Variants in GALNTL6 observed in about 807,000 individuals in gnomAD.
GALNTL6 encodes polypeptide N-acetylgalactosaminyltransferase-like 6.
Under a neutral mutation model 73.7 loss-of-function variants are expected in GALNTL6, and 46 were observed. The ratio of observed to expected loss-of-function variants is 0.62; its 90% CI spans 0.49 to 0.80. GALNTL6 has a LOEUF of 0.80. Among genes scored for constraint, GALNTL6 ranks in the 30% least tolerant of loss-of-function variants. GALNTL6 has a pLI of 0.00. For synonymous variants in GALNTL6, 259 were observed against 263.7 expected (o/e 0.98, Z 0.17); for missense variants, 604 against 755.0 (o/e 0.80, Z 2.34).
chr4:172,664,790 A>G (rs1731572572), intron 5 of GALNTL6, among the ~76,000 whole-genome samples: 1 of 152,202 alleles, frequency 6.6e-6, no homozygotes, highest in Non-Finnish European at 1.5e-5. Flanking sequence ...TTGTCTTATT[A>G]GCACCCTGAC....
Position 171,937,891 on chromosome 4 carries a change from A to T in GALNTL6, c.138+123173A>T, listed in dbSNP as rs535628343. 2.4e-3 allele frequency among the ~76,000 whole-genome samples: 366 copies of T among 152,286 alleles called. 5 individuals are homozygous for T. Among genetic ancestry groups the T allele is most frequent in the Non-Finnish European group, 3.7e-3 (255 of 68,002 alleles). On this transcript the variant is annotated intron_variant, in intron 2 of 12. Coordinates refer to ENST00000506823, the MANE Select transcript of GALNTL6 (RefSeq NM_001034845.3). ...TTTTTTAATGATAAAAAGGCTCAGT[A>T]ATTATTAAACAACAATCTGTCCGTG...
chr4:172,990,028 C>A (rs999855747), intron 10 of GALNTL6, among the ~76,000 whole-genome samples: 3 of 152,162 alleles, frequency 2.0e-5, no homozygotes, highest in Non-Finnish European at 4.4e-5. Flanking sequence ...TTATTTACCA[C>A]AGGTCAGGAA....
chr4:172,023,918 A>G (rs1472724176), intron 2 of GALNTL6, among the ~76,000 whole-genome samples: 2 of 151,804 alleles, frequency 1.3e-5, no homozygotes, highest in African/African-American at 4.8e-5. Flanking sequence ...ATCCCCTATA[A>G]TGATGGTTAT....
chr4:172,492,237 A>C (rs944764780), intron 5 of GALNTL6, among the ~76,000 whole-genome samples: 1 of 152,166 alleles, frequency 6.6e-6, no homozygotes, highest in African/African-American at 2.4e-5. Context: ...ACTTTTATAG[A>C]TATTATATCT....
intron 5 of GALNTL6, among the ~76,000 whole-genome samples, chr4:172,489,985 A>G (rs1486749883): frequency 3.3e-5 from 5 of 152,214 alleles, no homozygotes; most frequent in African/African-American, 4.8e-5. Flanking sequence ...GGCTTCCAAC[A>G]TAGGCAACTA....
At chr4:172,226,831 T>C (rs1736883892) in intron 2 of GALNTL6, among the ~76,000 whole-genome samples, 1 of 152,188 alleles carries the variant, frequency 6.6e-6, no homozygotes, top group African/African-American at 2.4e-5. Context: ...CTCCCTGATA[T>C]CACATTTTTA....
intron 2 of GALNTL6, among the ~76,000 whole-genome samples, chr4:171,903,721 C>G (rs940875817): frequency 2.0e-5 from 3 of 151,870 alleles, no homozygotes; most frequent in Non-Finnish European, 4.4e-5. Context: ...ACAGCAGTAA[C>G]TTCTGCAGAC....
intron 5 of GALNTL6, among the ~76,000 whole-genome samples, chr4:172,742,075 G>A (rs934410849): frequency 6.6e-6 from 1 of 151,930 alleles, no homozygotes; most frequent in African/African-American, 2.4e-5. Flanking sequence ...CAGTTCTCTA[G>A]TTTGTCACAA....
chr4:172,306,858 A>T (rs1194880396), intron 3 of GALNTL6, among the ~76,000 whole-genome samples: 2 of 152,126 alleles, frequency 1.3e-5, no homozygotes, highest in African/African-American at 4.8e-5. Context: ...TTACACACTC[A>T]TTGGTTAATG....
At chr4:172,184,772 C>T (rs967641509) in intron 2 of GALNTL6, among the ~76,000 whole-genome samples, 1 of 152,068 alleles carries the variant, frequency 6.6e-6, no homozygotes, top group Non-Finnish European at 1.5e-5. Context: ...CCTCACAATT[C>T]AAGATCGAGG....
chr4:172,181,984 T>TG (rs1157839181), intron 2 of GALNTL6, among the ~76,000 whole-genome samples: 1 of 152,152 alleles, frequency 6.6e-6, no homozygotes, highest in Non-Finnish European at 1.5e-5. Context: ...CCCAAAGTGC[T>TG]GGGATTACAG....
intron 5 of GALNTL6, among the ~76,000 whole-genome samples, chr4:172,356,899 A>G (rs1166073886): frequency 1.3e-5 from 2 of 152,148 alleles, no homozygotes; most frequent in Admixed American, 1.3e-4. Flanking sequence ...TTATTCTGAG[A>G]AACTGAAACA....
chr4:171,898,638 G>T (rs2110938698), intron 2 of GALNTL6, among the ~76,000 whole-genome samples: 1 of 152,118 alleles, frequency 6.6e-6, no homozygotes, highest in South Asian at 2.1e-4. Flanking sequence ...TGATATTCTA[G>T]AAAAGAAAAA....
intron 2 of GALNTL6, among the ~76,000 whole-genome samples, chr4:171,832,938 A>T (rs945604663): frequency 6.6e-6 from 1 of 151,808 alleles, no homozygotes; most frequent in African/African-American, 2.4e-5. Flanking sequence ...TCATTTGATT[A>T]TACATCCTGG....
chr4:172,478,246 C>T (rs1733310463), intron 5 of GALNTL6, among the ~76,000 whole-genome samples: 1 of 152,190 alleles, frequency 6.6e-6, no homozygotes, highest in African/African-American at 2.4e-5. Context: ...TTGGAGGCAT[C>T]ACATTACCTA....
Position 172,556,867 on chromosome 4 carries a change from T to C in GALNTL6, c.553+208178T>C, listed in dbSNP as rs1469861729. 2.6e-5 allele frequency among the ~76,000 whole-genome samples: 4 copies of C among 151,940 alleles called. No homozygotes were observed. The East Asian group carries it at 7.7e-4, about 29-fold the overall frequency. Reference sequence around the variant, plus strand: ...CCTTGAACTTGGGAACACACAGAACTATGTAAGCTCTATGGAACACCCTGG... The same window carrying C: ...CCTTGAACTTGGGAACACACAGAACCATGTAAGCTCTATGGAACACCCTGG... On this transcript the variant is annotated intron_variant, in intron 5 of 12. Transcript: ENST00000506823.
intron 2 of GALNTL6, 100 bp from the exon 3 acceptor site, chr4:172,229,556 C>A: frequency 1.5e-6 from 1 of 656,288 alleles, no homozygotes. Flanking sequence ...ACTTATTTAA[C>A]AGATATTCTT....
At chr4:172,125,720 A>C (rs1733275959) in intron 2 of GALNTL6, among the ~76,000 whole-genome samples, 1 of 152,018 alleles carries the variant, frequency 6.6e-6, no homozygotes, top group African/African-American at 2.4e-5. Flanking sequence ...ACCACATAAG[A>C]TTCTTTCTCA....
intron 2 of GALNTL6, among the ~76,000 whole-genome samples, chr4:172,224,778 A>G (rs191793361): frequency 6.6e-6 from 1 of 152,150 alleles, no homozygotes; most frequent in Admixed American, 6.6e-5. Context: ...CACATCCCTG[A>G]CTCCAAAAGT....
Sources: allele counts gnomAD v4.1 joint callset (sites outside exome capture counted in the v4.1 genomes callset), GRCh38; gene constraint gnomAD v4.1.1; transcripts MANE v1.5; gene names NCBI Gene and HGNC (gene_info 2026-07-23, HGNC 2026-07-21).